The following SEMA3D variants were observed in gnomAD, a reference collection of about 807,000 sequenced individuals.
The protein encoded by SEMA3D is semaphorin 3D.
Under a neutral mutation model 100.1 loss-of-function variants are expected in SEMA3D, and 84 were observed. The observed-to-expected ratio is 0.84, with a 90% CI of 0.70 to 1.01. The LOEUF (loss-of-function observed/expected upper bound fraction) is 1.01, where lower values mean the gene tolerates loss of function less well. Among genes scored for constraint, SEMA3D ranks in the 50% least tolerant of loss-of-function variants. The pLI is 0.00. For synonymous variants in SEMA3D, 312 were observed against 320.7 expected (o/e 0.97, Z 0.29); for missense variants, 875 against 934.1 (o/e 0.94, Z 0.82).
the SEMA3D span, among the ~76,000 whole-genome samples, chr7:85,240,042 C>A: frequency 6.6e-6 from 1 of 152,082 alleles, no homozygotes; most frequent in Non-Finnish European, 1.5e-5. Context: ...AGACTTCCAA[C>A]AAAATGTTGA....
At chr7:85,163,244 G>A (rs1388360879) in intron 1 of SEMA3D, 1 of 152,000 alleles carries the variant, frequency 6.6e-6, no homozygotes, top group Non-Finnish European at 1.5e-5. Flanking sequence ...GAGGAAATTG[G>A]GGCAAGTTAT....
chr7:85,201,101 G>A, the SEMA3D span, among the ~76,000 whole-genome samples: 1 of 152,170 alleles, frequency 6.6e-6, no homozygotes, highest in East Asian at 1.9e-4. Flanking sequence ...TATACCAAAA[G>A]ACAGTTTTAT....
chr7:85,190,188 A>C (rs939627058), upstream of SEMA3D, among the ~76,000 whole-genome samples: 3 of 152,156 alleles, frequency 2.0e-5, no homozygotes, highest in Non-Finnish European at 4.4e-5. Context: ...ATCAAATGAA[A>C]ATTTGGTGAA....
the SEMA3D span, among the ~76,000 whole-genome samples, chr7:85,250,195 C>G: frequency 1.3e-5 from 2 of 151,116 alleles, no homozygotes; most frequent in East Asian, 4.0e-4. Context: ...GATTATAACC[C>G]GCACCTGGCT....
intron 8 of SEMA3D, among the ~76,000 whole-genome samples, chr7:85,064,225 A>G (rs931155486): frequency 1.3e-5 from 2 of 151,438 alleles, no homozygotes; most frequent in Non-Finnish European, 2.9e-5. Context: ...AGCCATAAAA[A>G]TATCTTTTTA....
rs541492898 is a variant in SEMA3D, at chr7:85,035,794, A to T, written c.1191+1095T>A. ...TAAAAAAATGAGTCCTGAAAATCATATTGTTTGAAAAAAAACATGTTTCCA... is the reference window on the plus strand; with the variant it reads ...TAAAAAAATGAGTCCTGAAAATCATTTTGTTTGAAAAAAAACATGTTTCCA... On this transcript the variant is annotated intron_variant, in intron 12 of 18. Coordinates refer to ENST00000284136, the MANE Select transcript of SEMA3D (RefSeq NM_001384900.1). 2.6e-5 allele frequency among the ~76,000 whole-genome samples: 4 copies of T among 151,884 alleles called. No individual in the cohort carries two copies. In the East Asian group the frequency reaches 7.8e-4, roughly 29 times the overall value.
chr7:85,247,524 T>G, the SEMA3D span, among the ~76,000 whole-genome samples: 1 of 152,082 alleles, frequency 6.6e-6, no homozygotes, highest in Admixed American at 6.5e-5. Flanking sequence ...AAAAAGAAGT[T>G]ATTTTGTGAA....
At chr7:85,143,948 T>C (rs985117952) in intron 2 of SEMA3D, among the ~76,000 whole-genome samples, 12 of 152,024 alleles carry the variant, frequency 7.9e-5, no homozygotes, top group African/African-American at 2.9e-4. Flanking sequence ...TGACCTCAAG[T>C]GATCCGCTCA....
chr7:85,024,574 C>T lies in SEMA3D; in HGVS notation c.1192-1961G>A, dbSNP rs80030328. Among the ~76,000 whole-genome samples the T allele has an allele frequency of 6.6e-3, 994 of 151,668 alleles. 12 individuals carry two copies. The highest frequency in any genetic ancestry group is 0.027 in the South Asian group (131 of 4,810). On this transcript the variant is annotated intron_variant, in intron 12 of 18. Transcript: ENST00000284136. ...GGTTTAAGTGTAATAAAATCTAAGG[C>T]GGAAAAAAAGGAAGGAAAACCTGGT...
chr7:85,029,683 AG>A (rs570611559), intron 12 of SEMA3D: 135 of 373,504 alleles, frequency 3.6e-4, no homozygotes, highest in African/African-American at 2.8e-3. Context: ...CCACCACTGA[AG>A]AGGTTGATTA....
chr7:85,028,399 A>G (rs1790452217), intron 12 of SEMA3D: 1 of 485,436 alleles, frequency 2.1e-6, no homozygotes, highest in Non-Finnish European at 3.7e-6. Context: ...AAAAAAAAAA[A>G]AAAAGGTTGG....
At chr7:85,132,962 G>C (rs893403833) in intron 2 of SEMA3D, among the ~76,000 whole-genome samples, 1 of 151,884 alleles carries the variant, frequency 6.6e-6, no homozygotes, top group African/African-American at 2.4e-5. Flanking sequence ...TGTTCAGAAA[G>C]TAACTTGCAG....
At chr7:85,196,952 A>G in the SEMA3D span, among the ~76,000 whole-genome samples, 11 of 152,268 alleles carry the variant, frequency 7.2e-5, no homozygotes, top group African/African-American at 2.4e-4. Flanking sequence ...ATCTTGCCCA[A>G]ATTCCTGTTT....
At chr7:85,218,087 A>T in the SEMA3D span, among the ~76,000 whole-genome samples, 3 of 152,066 alleles carry the variant, frequency 2.0e-5, no homozygotes, top group Non-Finnish European at 2.9e-5. Flanking sequence ...AGTCTCAAAG[A>T]AGCATAAATT....
At chr7:85,028,938 T>G (rs1790467917) in intron 12 of SEMA3D, 1 of 275,492 alleles carries the variant, frequency 3.6e-6, no homozygotes, top group South Asian at 4.8e-5. Flanking sequence ...AGCTGTTGCT[T>G]ATGATGCAGC....
At chr7:85,066,484 C>T (rs1246687600) in intron 7 of SEMA3D, among the ~76,000 whole-genome samples, 1 of 151,746 alleles carries the variant, frequency 6.6e-6, no homozygotes, top group Admixed American at 6.6e-5. Flanking sequence ...GATCCATGTT[C>T]CCTAATGTTA....
intron 2 of SEMA3D, among the ~76,000 whole-genome samples, chr7:85,125,207 T>C (rs750404491): frequency 2.0e-5 from 3 of 152,060 alleles, no homozygotes; most frequent in Admixed American, 6.6e-5. Context: ...TGAATGTATG[T>C]TTATATACAT....
chr7:85,227,557 A>G, the SEMA3D span, among the ~76,000 whole-genome samples: 2 of 152,202 alleles, frequency 1.3e-5, no homozygotes, highest in African/African-American at 4.8e-5. Context: ...AATAAATTTC[A>G]GTTGTTTATA....
At chr7:85,091,047 GAGAA>G (rs1054715348) in intron 4 of SEMA3D, among the ~76,000 whole-genome samples, 5 of 149,336 alleles carry the variant, frequency 3.3e-5, no homozygotes, top group Non-Finnish European at 5.9e-5. Context: ...GAAAGAGAGA[GAGAA>G]AGGAAGGAAG....
Sources: gnomAD v4.1 joint callset for allele counts (sites outside exome capture counted in the v4.1 genomes callset) on GRCh38, gnomAD v4.1.1 for gene constraint, MANE v1.5 for transcripts, NCBI Gene and HGNC (gene_info 2026-07-23, HGNC 2026-07-21) for gene names.